AGBL4: variants seen among roughly 807,000 people sequenced by gnomAD.
AGBL4 encodes the protein cytosolic carboxypeptidase 6.
A neutral mutation model predicts 66.4 loss-of-function variants in AGBL4; 58 were observed. That is an observed-to-expected ratio of 0.87 (90% confidence interval 0.71 to 1.09). The LOEUF (loss-of-function observed/expected upper bound fraction) is 1.09, where lower values mean the gene tolerates loss of function less well. Ranked by LOEUF, AGBL4 falls within the 50% of genes least tolerant of loss-of-function variation. AGBL4 has a pLI of 0.00. For synonymous variants in AGBL4, 234 were observed against 222.9 expected, an observed-to-expected ratio of 1.05 and a Z score of -0.44; for missense variants, 579 against 631.0, an observed-to-expected ratio of 0.92 and a Z score of 0.88.
At chr1:49,188,020 C>T (rs1027785248) in intron 4 of AGBL4, among the ~76,000 whole-genome samples, 1 of 152,110 alleles carries the variant, frequency 6.6e-6, no homozygotes, top group Non-Finnish European at 1.5e-5. Flanking sequence ...TGCACATGCT[C>T]TCTCTTTATC....
In AGBL4 at chr1:49,179,049, C is replaced by CT. The variant is rs555132740; in HGVS notation, c.377+66720dup. On this transcript the variant is annotated intron_variant, in intron 4 of 13. Coordinates refer to ENST00000371839, the MANE Select transcript of AGBL4 (RefSeq NM_032785.4). ...CTTATGCTAGTACAACTCGCTTATGCTTTTTTAATTTTTCTCATAAATTGA... is the reference window on the plus strand; with the variant it reads ...CTTATGCTAGTACAACTCGCTTATGCTTTTTTTAATTTTTCTCATAAATTGA... Among the ~76,000 whole-genome samples the CT allele has an allele frequency of 1.6e-3, 241 of 152,192 alleles. 4 individuals carry two copies. Among genetic ancestry groups the CT allele is most frequent in the African/African-American group, 5.6e-3 (234 of 41,532 alleles).
chr1:49,737,927 C>A (rs1291343438), intron 2 of AGBL4, among the ~76,000 whole-genome samples: 1 of 152,206 alleles, frequency 6.6e-6, no homozygotes, highest in Non-Finnish European at 1.5e-5. Context: ...GCATTTCCAA[C>A]TGAGGTACCG....
intron 6 of AGBL4, among the ~76,000 whole-genome samples, chr1:48,714,872 C>T (rs1647024396): frequency 6.6e-6 from 1 of 152,218 alleles, no homozygotes; most frequent in Non-Finnish European, 1.5e-5. Context: ...TTTTTAGTCG[C>T]TCATTCATCG....
chr1:49,519,803 G>A (rs1211702659), intron 3 of AGBL4, among the ~76,000 whole-genome samples: 7 of 152,098 alleles, frequency 4.6e-5, no homozygotes, highest in Admixed American at 2.0e-4. Context: ...GTGAGTCTAT[G>A]AAGCTGAGTT....
intron 3 of AGBL4, among the ~76,000 whole-genome samples, chr1:49,391,200 G>C (rs948183294): frequency 6.6e-6 from 1 of 152,186 alleles, no homozygotes; most frequent in African/African-American, 2.4e-5. Flanking sequence ...TGAGAATGAA[G>C]AAGGAGGCAC....
chr1:49,483,752 C>A (rs985713235), intron 3 of AGBL4, among the ~76,000 whole-genome samples: 2 of 151,532 alleles, frequency 1.3e-5, no homozygotes, highest in East Asian at 1.9e-4. Context: ...CCAATGAAAT[C>A]CCATCATGTT....
chr1:49,262,007 A>G (rs1428439304), intron 3 of AGBL4, among the ~76,000 whole-genome samples: 14 of 151,804 alleles, frequency 9.2e-5, no homozygotes, highest in Non-Finnish European at 1.6e-4. Flanking sequence ...ATAACGCCGC[A>G]TATCTACAAC....
At chr1:49,716,899 T>C (rs1397708898) in intron 2 of AGBL4, among the ~76,000 whole-genome samples, 1 of 152,110 alleles carries the variant, frequency 6.6e-6, no homozygotes, top group Non-Finnish European at 1.5e-5. Flanking sequence ...ACCACTCCTA[T>C]TCAACATAGT....
intron 4 of AGBL4, among the ~76,000 whole-genome samples, chr1:49,220,058 A>ATTTTAAATACACCCAAT (rs1649381951): frequency 6.6e-6 from 1 of 152,028 alleles, no homozygotes; most frequent in Non-Finnish European, 1.5e-5. Flanking sequence ...CATTGGCTGT[A>ATTTTAAATACACCCAAT]TTTTAAAATA....
At chr1:48,605,670 C>T (rs375011582) in intron 9 of AGBL4, among the ~76,000 whole-genome samples, 5 of 152,292 alleles carry the variant, frequency 3.3e-5, no homozygotes, top group African/African-American at 2.4e-5. Flanking sequence ...CAACATCTAG[C>T]GCAGTGTCTG....
At position 49,984,619 on chromosome 1, in the gene AGBL4, A is replaced by T. The variant is rs114668252; in HGVS notation, c.34+39144T>A. Among the ~76,000 whole-genome samples, 630 of 152,322 alleles carry T rather than the reference A, an allele frequency of 4.1e-3. 5 individuals carry two copies. Among genetic ancestry groups the T allele is most frequent in the African/African-American group, 0.014 (601 of 41,578 alleles). On this transcript the variant is annotated intron_variant, in intron 1 of 13. Transcript: ENST00000371839. ...CCTATCTTTGGTCTTTGCCAGAGGC[A>T]CACTTCCCAGCCTGCAGTATGGCCA...
intron 5 of AGBL4, among the ~76,000 whole-genome samples, chr1:48,972,144 C>T (rs563836491): frequency 2.0e-4 from 30 of 152,244 alleles, no homozygotes; most frequent in Admixed American, 1.3e-3. Context: ...TCTAAACTTA[C>T]CTCACTTCGT....
chr1:49,732,735 C>T (rs1649551086), intron 2 of AGBL4, among the ~76,000 whole-genome samples: 2 of 151,956 alleles, frequency 1.3e-5, no homozygotes, highest in African/African-American at 4.8e-5. Flanking sequence ...ATGAAAAACA[C>T]TTTTGAAGAA....
At chr1:48,603,805 T>C (rs538289355) in intron 9 of AGBL4, among the ~76,000 whole-genome samples, 1 of 152,032 alleles carries the variant, frequency 6.6e-6, no homozygotes, top group Admixed American at 6.6e-5. Flanking sequence ...GGTCCTCAAT[T>C]AAAGCAAGGG....
At chr1:49,743,560 C>T (rs566584361) in intron 2 of AGBL4, among the ~76,000 whole-genome samples, 1 of 152,234 alleles carries the variant, frequency 6.6e-6, no homozygotes, top group South Asian at 2.1e-4. Context: ...TGGGTATATA[C>T]CCAAAGGATT....
intron 1 of AGBL4, among the ~76,000 whole-genome samples, chr1:49,887,267 T>C (rs1325299530): frequency 1.3e-5 from 2 of 150,902 alleles, no homozygotes; most frequent in Non-Finnish European, 3.0e-5. Context: ...ATACACATTG[T>C]AGAATGGAGA....
At chr1:49,278,788 TA>T (rs1405755015) in intron 3 of AGBL4, among the ~76,000 whole-genome samples, 1 of 152,032 alleles carries the variant, frequency 6.6e-6, no homozygotes, top group Non-Finnish European at 1.5e-5. Flanking sequence ...CAGAGGACAA[TA>T]AAAATAAATA....
intron 1 of AGBL4, among the ~76,000 whole-genome samples, chr1:50,019,306 T>TCTCTCTCTCTCACACACACACA (rs1167835143): frequency 3.3e-4 from 16 of 48,428 alleles, no homozygotes; most frequent in East Asian, 1.1e-3. Flanking sequence ...TCTCTCTCTC[T>TCTCTCTCTCTCACACACACACA]CACACACACA....
Position 48,759,422 on chromosome 1 carries a change from A to T in AGBL4, c.635-96181T>A, listed in dbSNP as rs546783573. Reference sequence around the variant, plus strand: ...CTTGGAGAAACCTGTGCAAACACTTAGTCAAAGCCCTTCATTTTATAAATG... The same window carrying T: ...CTTGGAGAAACCTGTGCAAACACTTTGTCAAAGCCCTTCATTTTATAAATG... On this transcript the variant is annotated intron_variant, in intron 6 of 13. Transcript: ENST00000371839. The T allele has an allele frequency of 4.4e-5, 60 of 1,355,298 alleles. No individual in the cohort carries two copies. In the Admixed American group the frequency reaches 1.4e-3, roughly 32 times the overall value. 84.0% of individuals were successfully genotyped at this position (1,355,298 alleles called of 1,614,324 possible).
Sources: allele counts gnomAD v4.1 joint callset (sites outside exome capture counted in the v4.1 genomes callset), GRCh38; gene constraint gnomAD v4.1.1; transcripts MANE v1.5; gene names NCBI Gene and HGNC (gene_info 2026-07-23, HGNC 2026-07-21).